The following FAM234A variants were observed in gnomAD, a reference collection of about 807,000 sequenced individuals.
FAM234A encodes protein FAM234A.
In FAM234A, 42 loss-of-function variants were observed where a neutral mutation model predicts 49.1. The ratio of observed to expected loss-of-function variants is 0.86; its 90% CI spans 0.67 to 1.11. FAM234A has a LOEUF of 1.11. Among genes scored for constraint, FAM234A ranks in the 50% least tolerant of loss-of-function variants. The probability of loss-of-function intolerance (pLI) is 0.00; values close to 1 mark genes in which losing one functional copy is unlikely to be tolerated. For missense variants in FAM234A, 815 were observed against 745.2 expected (o/e 1.09, Z -1.09); for synonymous variants, 369 against 316.2 (o/e 1.17, Z -1.77).
chr16:258,464 G>T (rs1455160875), intron 3 of FAM234A, among the ~76,000 whole-genome samples: 1 of 151,918 alleles, frequency 6.6e-6, no homozygotes, highest in Admixed American at 6.6e-5. Flanking sequence ...AGAGCACAGG[G>T]TTGGGGGTAA....
Position 265,253 on chromosome 16 carries a change from C to T in FAM234A, c.*231C>T. The T allele has an allele frequency of 3.7e-6, 5 of 1,361,362 alleles. No individual in the cohort carries two copies. Among genetic ancestry groups the T allele is most frequent in the African/African-American group, 1.5e-5 (1 of 68,336 alleles). 84.3% of individuals were successfully genotyped at this position (1,361,362 alleles called of 1,614,324 possible). A position where few individuals can be genotyped will look rare whatever the true frequency, so the allele number is the denominator to read the frequency against. ...GCCCAGCATCCTCCCTGAGTCCCCACACAGGGCCTCACTCTGCACCCCACC... is the reference window on the plus strand; with the variant it reads ...GCCCAGCATCCTCCCTGAGTCCCCATACAGGGCCTCACTCTGCACCCCACC... On this transcript the variant is annotated 3_prime_UTR_variant, in exon 13 of 13. Coordinates refer to ENST00000399932, the MANE Select transcript of FAM234A (RefSeq NM_032039.4).
chr16:257,655 T>C lies in FAM234A; in HGVS notation c.269-1828T>C, dbSNP rs577995983. 1.8e-3 allele frequency among the ~76,000 whole-genome samples: 276 copies of C among 152,204 alleles called. 1 individual carries two copies. The highest frequency in any genetic ancestry group is 6.4e-3 in the African/African-American group (266 of 41,538). On this transcript the variant is annotated intron_variant, in intron 3 of 12. Coordinates refer to ENST00000399932, the MANE Select transcript of FAM234A (RefSeq NM_032039.4). ...ATTTTAGCTCTTACGTTTAGGTCTT[T>C]GATTCATTTTGAGTTCATTTTTGTG...
intron 1 of FAM234A, among the ~76,000 whole-genome samples, chr16:239,142 T>A: frequency 3.4e-4 from 2 of 5,882 alleles, no homozygotes; most frequent in East Asian, 5.0e-3. Flanking sequence ...TACTAAAAAA[T>A]ACAAAAAATT....
intron 3 of FAM234A, 61 bp downstream of exon 3, chr16:254,742 G>A (rs2051164657): frequency 1.3e-6 from 2 of 1,553,822 alleles, no homozygotes; most frequent in African/African-American, 1.4e-5. Flanking sequence ...GGATGGGGCG[G>A]AGGGGGCAGA....
chr16:265,614 A>T lies in FAM234A; in HGVS notation c.*592A>T, dbSNP rs2051667670. 1.0e-6 allele frequency: 1 copy of T among 985,426 alleles called. No homozygotes were observed. The highest frequency in any genetic ancestry group is 4.7e-5 in the South Asian group (1 of 21,302). The allele number at this position is 985,426 out of a possible 1,614,324, so 61.0% of individuals were successfully genotyped here. A position where few individuals can be genotyped will look rare whatever the true frequency, so the allele number is the denominator to read the frequency against. ...GGGATCCTCTAGCATGGGGGGTGTG[A>T]CTTGGTTCCTTTGACCAGGTCCTGT... On this transcript the variant is annotated 3_prime_UTR_variant, in exon 13 of 13. Transcript: ENST00000399932.
downstream of FAM234A, chr16:268,568 A>G (rs1054395961): frequency 5.0e-6 from 3 of 595,794 alleles, no homozygotes; most frequent in Non-Finnish European, 9.0e-6. Context: ...GATCCACCCT[A>G]TGGAATCGGG....
chr16:268,701 A>T (rs1290235026), downstream of FAM234A: 4 of 1,461,938 alleles, frequency 2.7e-6, no homozygotes, highest in African/African-American at 5.6e-5. Context: ...TTGGCGAGGG[A>T]GGAATAGGCG....
chr16:243,099 G>A (rs2050677461), intron 1 of FAM234A, among the ~76,000 whole-genome samples: 1 of 151,154 alleles, frequency 6.6e-6, no homozygotes, highest in Admixed American at 6.6e-5. Flanking sequence ...TCCCACCTCA[G>A]CCTCCCAGGT....
chr16:258,412 C>G (rs1031677996), intron 3 of FAM234A, among the ~76,000 whole-genome samples: 2 of 152,182 alleles, frequency 1.3e-5, no homozygotes, highest in African/African-American at 4.8e-5. Context: ...TTGCACCGCC[C>G]TTAATCCATT....
intron 5 of FAM234A, chr16:260,821 A>G (rs1414366148): frequency 5.3e-6 from 2 of 376,606 alleles, no homozygotes; most frequent in African/African-American, 2.1e-5. Flanking sequence ...CTTTAAAAAA[A>G]GGTTTGGATG....
downstream of FAM234A, chr16:269,177 G>A (rs1202446664): frequency 3.8e-6 from 4 of 1,052,838 alleles, no homozygotes; most frequent in East Asian, 2.6e-5. Context: ...GGGTTCAGCA[G>A]CCCCCAGGAC....
Position 254,420 on chromosome 16 carries a change from G to C in FAM234A, c.7G>C (p.Asp3His). ...ACTTTGGGATGTGCCCGTGATGTTG[G>C]ACCACAAGGACTTAGAGGCCGAAAT... ML[D>H]HKDLEAEIHP... The change falls in exon 3 of 13, where the codon GAC becomes CAC. Residue 3 changes from aspartate to histidine, a missense_variant. Asp to His is a moderately conservative substitution (Grantham distance 81, BLOSUM62 -1). Transcript: ENST00000399932. The C allele has an allele frequency of 1.2e-6, 2 of 1,613,856 alleles. No individual in the cohort carries two copies. The highest frequency in any genetic ancestry group is 1.7e-6 in the Non-Finnish European group (2 of 1,179,928).
chr16:257,891 T>A (rs1207428805), intron 3 of FAM234A, among the ~76,000 whole-genome samples: 1 of 151,998 alleles, frequency 6.6e-6, no homozygotes, highest in African/African-American at 2.4e-5. Flanking sequence ...CGAGTCTCGC[T>A]CTGTCGCCCA....
chr16:249,233 G>A (rs971468666), intron 1 of FAM234A, among the ~76,000 whole-genome samples: 1 of 151,888 alleles, frequency 6.6e-6, no homozygotes, highest in Admixed American at 6.6e-5. Flanking sequence ...TTGAGGGTCA[G>A]GAGATGTCTG....
chr16:247,962 C>A (rs2050872785), intron 1 of FAM234A, among the ~76,000 whole-genome samples: 1 of 152,086 alleles, frequency 6.6e-6, no homozygotes, highest in South Asian at 2.1e-4. Context: ...TCTGGGAACC[C>A]TCTCAGAGTG....
chr16:247,511 C>A (rs2947788), intron 1 of FAM234A, among the ~76,000 whole-genome samples: 38,972 of 151,488 alleles, frequency 0.26, 5,544 homozygotes, highest in East Asian at 0.5. Flanking sequence ...CGGCTGACTG[C>A]AACCTCTGCC....
rs532568156 is a variant in FAM234A, at chr16:262,622, G to A, written c.971+69G>A. 4.6e-5 allele frequency: 68 copies of A among 1,468,726 alleles called. 1 individual carries two copies. In the Admixed American group the frequency reaches 7.7e-4, roughly 17 times the overall value. The allele number at this position is 1,468,726 out of a possible 1,614,324, so 91.0% of individuals were successfully genotyped here. ...CATGGCTCTGCTCGCCTGCCTCAGC[G>A]TTCGGACAATCTGTGTGGAGCCCAG... On this transcript the variant is annotated intron_variant, in intron 8 of 12. Coordinates refer to ENST00000399932, the MANE Select transcript of FAM234A (RefSeq NM_032039.4).
At chr16:246,895 C>T (rs1352094643) in intron 1 of FAM234A, 1 of 151,842 alleles carries the variant, frequency 6.6e-6, no homozygotes, top group African/African-American at 2.4e-5. Flanking sequence ...CCTGCCTCAG[C>T]CTCCTGAGTA....
In FAM234A at chr16:262,562, G is replaced by A. The variant is rs751199150; in HGVS notation, c.971+9G>A. 9.5e-6 allele frequency: 15 copies of A among 1,577,496 alleles called. No individual in the cohort carries two copies. The highest frequency in any genetic ancestry group is 3.7e-5 in the Admixed American group (2 of 54,272). On this transcript the variant is annotated intron_variant, in intron 8 of 12. Coordinates refer to ENST00000399932, the MANE Select transcript of FAM234A (RefSeq NM_032039.4). ...AGGATGCTTTCCCACAGGTGGGTCC[G>A]GGCCGCAGCCTTTCTCCATGCAGAG...
Sources: allele counts gnomAD v4.1 joint callset (sites outside exome capture counted in the v4.1 genomes callset), GRCh38; gene constraint gnomAD v4.1.1; transcripts MANE v1.5; gene names NCBI Gene and HGNC (gene_info 2026-07-23, HGNC 2026-07-21).